RELN: variants seen among roughly 807,000 people sequenced by gnomAD.
RELN encodes the protein reelin.
Under a neutral mutation model 427.6 loss-of-function variants are expected in RELN, and 108 were observed. The observed-to-expected ratio is 0.25, with a 90% CI of 0.22 to 0.30. The LOEUF (loss-of-function observed/expected upper bound fraction) is 0.30. Among genes scored for constraint, RELN ranks in the 10% least tolerant of loss-of-function variants. The pLI is 1.00. For synonymous variants in RELN, 1,524 were observed against 1,513.4 expected (o/e 1.01, Z -0.16); for missense variants, 3,715 against 4,302.8 (o/e 0.86, Z 3.82).
At position 103,498,323 on chromosome 7, in the gene RELN, CAG is replaced by C. The variant is rs529656174; in HGVS notation, c.8668-73_8668-72del. The C allele has an allele frequency of 2.5e-5, 34 of 1,372,324 alleles. No homozygotes were observed. In the African/African-American group the frequency reaches 4.7e-4, roughly 19 times the overall value. 85.0% of individuals were successfully genotyped at this position (1,372,324 alleles called of 1,614,324 possible). A position where few individuals can be genotyped will look rare whatever the true frequency, so the allele number is the denominator to read the frequency against. On this transcript the variant is annotated intron_variant, in intron 53 of 64. Transcript: ENST00000428762. The stretch of plus-strand genomic sequence containing the variant: ...TAACTATGGAATATTTAAGAAAATA[CAG>C]AGTGATGTCTTGGACTTAAAAAAAA...
rs1829001690 is a variant in RELN, at chr7:103,500,815, C to T, written c.8597G>A (p.Cys2866Tyr). The T allele has an allele frequency of 1.2e-6, 2 of 1,614,020 alleles. No individual in the cohort carries two copies. The highest frequency in any genetic ancestry group is 1.3e-5 in the African/African-American group (1 of 74,888). Reference sequence around the variant, plus strand: ...ATCACAGATGCACTGTTCCCTTAAGCAATCTCCATGGCCCCTGCAGTTGTC... The same window carrying T: ...ATCACAGATGCACTGTTCCCTTAAGTAATCTCCATGGCCCCTGCAGTTGTC... ...CLDNCRGHGD[C>Y]LREQCICDPG... Residue 2866 changes from cysteine to tyrosine, a missense_variant, in exon 53 of 65, where the codon TGC becomes TAC. Physicochemically the swap from Cys to Tyr is radical, Grantham distance 194. Around this residue, in one of 4 missense-constraint regions of RELN, gnomAD observed 1,310 missense variants for 1,643.0 expected, o/e 0.80. Transcript: ENST00000428762.
chr7:103,608,813 G>A (rs916102225), intron 22 of RELN, among the ~76,000 whole-genome samples: 2 of 152,184 alleles, frequency 1.3e-5, no homozygotes, highest in African/African-American at 4.8e-5. Context: ...CAATTTGAGT[G>A]TCAAAGAACC....
In RELN at chr7:103,604,210, A is replaced by T; in HGVS notation, c.3146+136T>A. 3 of 967,740 alleles carry T rather than the reference A, an allele frequency of 3.1e-6. No homozygotes were observed. In the East Asian group the frequency reaches 7.4e-5, roughly 24 times the overall value. The allele number at this position is 967,740 out of a possible 1,614,324, so 59.9% of individuals were successfully genotyped here. ...GCTTTTACATCTAAAATACAAACAG[A>T]AAGGAGGACTTGTTTCTTTTGGCTA... On this transcript the variant is annotated intron_variant, in intron 23 of 64. Coordinates refer to ENST00000428762, the MANE Select transcript of RELN (RefSeq NM_005045.4).
intron 27 of RELN, 142 bp from the exon 28 acceptor site, chr7:103,589,970 C>T (rs1831372224): frequency 1.6e-5 from 11 of 683,924 alleles, no homozygotes; most frequent in South Asian, 1.3e-4. Flanking sequence ...TCAGTCCCAA[C>T]CAAGACCCTT....
intron 3 of RELN, among the ~76,000 whole-genome samples, chr7:103,786,037 T>C (rs1468707938): frequency 6.6e-6 from 1 of 152,036 alleles, no homozygotes; most frequent in East Asian, 1.9e-4. Context: ...AGGACAGTAA[T>C]GGTGTTTTCC....
intron 11 of RELN, among the ~76,000 whole-genome samples, chr7:103,666,225 T>C (rs1272453733): frequency 6.6e-6 from 1 of 151,930 alleles, no homozygotes; most frequent in Non-Finnish European, 1.5e-5. Context: ...GGCACCACCA[T>C]GCCCAGGTAA....
At chr7:103,478,981 A>G (rs528674797) in intron 63 of RELN, among the ~76,000 whole-genome samples, 1 of 152,322 alleles carries the variant, frequency 6.6e-6, no homozygotes, top group South Asian at 2.1e-4. Flanking sequence ...AATGCTTTTA[A>G]GACCATAGTT....
At chr7:103,558,930 A>G (rs1830583114) in intron 36 of RELN, among the ~76,000 whole-genome samples, 1 of 152,038 alleles carries the variant, frequency 6.6e-6, no homozygotes, top group Admixed American at 6.5e-5. Flanking sequence ...TTTTAGCTAA[A>G]AGAGAACATT....
intron 2 of RELN, among the ~76,000 whole-genome samples, chr7:103,852,365 G>A (rs144406302): frequency 6.6e-6 from 1 of 152,090 alleles, no homozygotes; most frequent in South Asian, 2.1e-4. Flanking sequence ...AGATTGTGGA[G>A]ACAAATTACC....
At chr7:103,814,628 G>A (rs184717942) in intron 3 of RELN, among the ~76,000 whole-genome samples, 1 of 152,208 alleles carries the variant, frequency 6.6e-6, no homozygotes, top group East Asian at 1.9e-4. Flanking sequence ...TGGAACAGAT[G>A]GAGAGCAGAA....
At chr7:103,671,703 G>A (rs967049352) in intron 11 of RELN, among the ~76,000 whole-genome samples, 1 of 152,050 alleles carries the variant, frequency 6.6e-6, no homozygotes, top group Non-Finnish European at 1.5e-5. Flanking sequence ...AAGTGTTATT[G>A]CTCAAGCAAT....
At chr7:103,818,426 A>C (rs1584265799) in intron 3 of RELN, among the ~76,000 whole-genome samples, 1 of 151,330 alleles carries the variant, frequency 6.6e-6, no homozygotes, top group South Asian at 2.1e-4. Flanking sequence ...CATTATCTTA[A>C]CTTATGAGTA....
At chr7:103,893,587 C>T (rs762122086) in intron 2 of RELN, among the ~76,000 whole-genome samples, 5 of 152,046 alleles carry the variant, frequency 3.3e-5, no homozygotes, top group Admixed American at 6.6e-5. Context: ...TATAGATATC[C>T]GAACATAAAT....
chr7:103,792,916 T>C (rs947896044), intron 3 of RELN, among the ~76,000 whole-genome samples: 1 of 152,190 alleles, frequency 6.6e-6, no homozygotes, highest in African/African-American at 2.4e-5. Context: ...GGACATCTGT[T>C]TTTTGAGACT....
chr7:103,989,322 A>T lies in RELN; in HGVS notation c.35T>A (p.Leu12His). Residue 12 changes from leucine (L) to histidine (H), a missense_variant, in exon 1 of 65, where the codon CTC becomes CAC. Around this residue, in one of 4 missense-constraint regions of RELN, gnomAD observed 2,208 missense variants for 2,361.7 expected, o/e 0.93. Coordinates refer to ENST00000428762, the MANE Select transcript of RELN (RefSeq NM_005045.4). This position sits in a 1 kb window ranked among gnomAD's most constrained non-coding sequence, Gnocchi z 4.9. Reference sequence around the variant, plus strand: ...CGTCGCCCCCAGCAACAGCGCTAGGAGGAAAGTCTGCCGGGCCCAGCCACT... The same window carrying T: ...CGTCGCCCCCAGCAACAGCGCTAGGTGGAAAGTCTGCCGGGCCCAGCCACT... ...ERSGWARQTF[L>H]LALLLGATLR... 6.3e-7 allele frequency: 1 copy of T among 1,587,052 alleles called. No homozygotes were observed. Among genetic ancestry groups the T allele is most frequent in the Non-Finnish European group, 8.6e-7 (1 of 1,162,260 alleles).
intron 41 of RELN, 84 bp downstream of exon 41, chr7:103,550,983 A>G (rs547462734): frequency 8.8e-7 from 1 of 1,134,280 alleles, no homozygotes; most frequent in Non-Finnish European, 1.3e-6. Context: ...AAATTTCCCC[A>G]TGATAAAGTG....
At position 103,503,073 on chromosome 7, in the gene RELN, AAGAATACAGATGGCTG is replaced by A. The variant is rs1562856922; in HGVS notation, c.8416_8431del (p.Gln2806PhefsTer17). The A allele has an allele frequency of 6.2e-7, 1 of 1,614,188 alleles. No individual in the cohort carries two copies. Among genetic ancestry groups the A allele is most frequent in the East Asian group, 2.2e-5 (1 of 44,870 alleles). On this transcript the variant is annotated frameshift_variant, in exon 52 of 65. Transcript: ENST00000428762. LOFTEE classifies it high-confidence loss of function. ...GATCCTTTTCCACCCTTTAGTTGGA[AAGAATACAGATGGCTG>A]AGAAACACTTCCAGAGCATTTTGGG... is the stretch of plus-strand genomic sequence containing the variant.
Position 103,988,979 on chromosome 7 carries a change from T to G in RELN, c.226+152A>C. 1 of 686,888 alleles carries G rather than the reference T, an allele frequency of 1.5e-6. No individual in the cohort carries two copies. 42.5% of individuals were successfully genotyped at this position (686,888 alleles called of 1,614,324 possible). On this transcript the variant is annotated intron_variant, in intron 1 of 64. Coordinates refer to ENST00000428762, the MANE Select transcript of RELN (RefSeq NM_005045.4). The surrounding 1 kb of genome is among the most constrained non-coding windows in gnomAD (Gnocchi z 4.9). ...ACTTGTGACTCCATTCTCCACTAAC[T>G]TTATTCTCGCTCCCTGGACCAAGCG...
intron 51 of RELN, among the ~76,000 whole-genome samples, chr7:103,504,911 C>A (rs1293102077): frequency 1.3e-5 from 2 of 152,308 alleles, no homozygotes; most frequent in African/African-American, 4.8e-5. Context: ...TCTGCCATTA[C>A]TGAGGCTTGA....
Sources: allele counts gnomAD v4.1 joint callset (sites outside exome capture counted in the v4.1 genomes callset), GRCh38; gene constraint gnomAD v4.1.1; regional missense constraint gnomAD v4.1.1; non-coding constraint Gnocchi (gnomAD v3.1); transcripts MANE v1.5; gene names NCBI Gene and HGNC (gene_info 2026-07-23, HGNC 2026-07-21).